NMU: variants seen among roughly 807,000 people sequenced by gnomAD.
NMU encodes the protein neuromedin-U.
Under a neutral mutation model 35.4 loss-of-function variants are expected in NMU, and 29 were observed. The ratio of observed to expected loss-of-function variants is 0.82; its 90% CI spans 0.61 to 1.12. The LOEUF (loss-of-function observed/expected upper bound fraction) is 1.12, where lower values mean the gene tolerates loss of function less well. Among genes scored for constraint, NMU ranks in the 50% most tolerant of loss-of-function variants. The pLI is 0.00. For missense variants in NMU, 199 were observed against 206.2 expected (o/e 0.97, Z 0.21); for synonymous variants, 78 against 81.3 (o/e 0.96, Z 0.22).
intron 1 of NMU, among the ~76,000 whole-genome samples, chr4:55,635,850 G>T (rs1240728524): frequency 6.6e-6 from 1 of 152,242 alleles, no homozygotes; most frequent in African/African-American, 2.4e-5. Context: ...GGGCATCAAC[G>T]AGCAGGGCCT....
rs193182091 is a variant in NMU, at chr4:55,597,928, T to C, written c.*4+1214A>G. ...TTATCCTTTTTCTTGATTACACTAG[T>C]ATAATTTATTTTATTTTTTGTAAAG... On this transcript the variant is annotated intron_variant, in intron 9 of 9. Coordinates refer to ENST00000264218, the MANE Select transcript of NMU (RefSeq NM_006681.4). Among the ~76,000 whole-genome samples the C allele has an allele frequency of 5.6e-4, 83 of 147,700 alleles. No individual in the cohort carries two copies. The East Asian group carries it at 0.011, about 19-fold the overall frequency.
At position 55,618,948 on chromosome 4, in the gene NMU, C is replaced by A. The variant is rs560032307; in HGVS notation, c.172-2563G>T. On this transcript the variant is annotated intron_variant, in intron 2 of 9. Coordinates refer to ENST00000264218, the MANE Select transcript of NMU (RefSeq NM_006681.4). ...GCAGTGGTACAATAAGGGCTCACTG[C>A]AGCCTTGACTTCTTGGGCTCAAGTG... is the stretch of plus-strand genomic sequence containing the variant. 3.0e-3 allele frequency among the ~76,000 whole-genome samples: 453 copies of A among 150,370 alleles called. 1 individual carries two copies. Among genetic ancestry groups the A allele is most frequent in the Non-Finnish European group, 4.0e-3 (272 of 67,688 alleles).
At chr4:55,600,494 AT>A in intron 8 of NMU, 27 bp downstream of exon 8, 1 of 1,480,956 alleles carries the variant, frequency 6.8e-7, no homozygotes, top group Non-Finnish European at 9.4e-7. Context: ...GTGTAGATTG[AT>A]TTTTTAAAAA....
intron 3 of NMU, among the ~76,000 whole-genome samples, chr4:55,612,075 G>A (rs1733955522): frequency 6.6e-6 from 1 of 152,126 alleles, no homozygotes; most frequent in Non-Finnish European, 1.5e-5. Context: ...GTTGGGAGTT[G>A]GCTGCGAGAA....
chr4:55,618,731 T>C lies in NMU; in HGVS notation c.172-2346A>G, dbSNP rs546434094. Among the ~76,000 whole-genome samples, 200 of 133,932 alleles carry C rather than the reference T, an allele frequency of 1.5e-3. 2 individuals carry two copies. Among genetic ancestry groups the C allele is most frequent in the Middle Eastern group, 0.014 (4 of 278 alleles). The allele number at this position is 133,932 out of a possible 152,430, so 87.9% of individuals were successfully genotyped here. A position where few individuals can be genotyped will look rare whatever the true frequency, so the allele number is the denominator to read the frequency against. ...CTTTTTCTTTCTTCTCTCTTTCTTC[T>C]TTCTTTCTTTTTCTTCTCTTTCTTT... On this transcript the variant is annotated intron_variant, in intron 2 of 9. Coordinates refer to ENST00000264218, the MANE Select transcript of NMU (RefSeq NM_006681.4).
rs1734434698 is a variant in NMU, at chr4:55,624,347, AG to A, written c.171+6054del. On this transcript the variant is annotated intron_variant, in intron 2 of 9. Transcript: ENST00000264218. ...AAAAAAACAAACAACCCCATCAAAAAGTGGGTGAAGGACATGAACAGACACT... is the reference window on the plus strand; with the variant it reads ...AAAAAAACAAACAACCCCATCAAAAATGGGTGAAGGACATGAACAGACACT... Among the ~76,000 whole-genome samples the A allele has an allele frequency of 3.7e-5, 3 of 82,022 alleles. No homozygotes were observed. The Admixed American group carries it at 4.5e-4, about 12-fold the overall frequency. 53.8% of individuals were successfully genotyped at this position (82,022 alleles called of 152,430 possible).
At chr4:55,617,803 G>C (rs1339149375) in intron 2 of NMU, among the ~76,000 whole-genome samples, 1 of 152,118 alleles carries the variant, frequency 6.6e-6, no homozygotes, top group African/African-American at 2.4e-5. Context: ...ACCCACTCCA[G>C]GGGAACACTG....
rs1478413466 is a variant in NMU, at chr4:55,636,131, G to A, written c.62C>T (p.Pro21Leu). Residue 21 changes from proline to leucine, a missense_variant, in exon 1 of 10, where the codon CCG (proline) becomes CTG (leucine). Physicochemically the swap from Pro to Leu is moderately conservative, Grantham distance 98 (BLOSUM62 -3). Transcript: ENST00000264218. This position sits in a 1 kb window ranked among gnomAD's most constrained non-coding sequence, Gnocchi z 4.0. ...SPAGQVAAAS[P>L]LLLLLLLLAW... ...GAGCAGCAGCAGCAGCAGCAGGAGC[G>A]GGGACGCCGCGGCCACCTGTCCGGC... 3.9e-6 allele frequency: 6 copies of A among 1,525,306 alleles called. No homozygotes were observed. In the Admixed American group the frequency reaches 6.0e-5, roughly 15 times the overall value. 94.5% of individuals were successfully genotyped at this position (1,525,306 alleles called of 1,614,324 possible).
chr4:55,612,110 A>G (rs1333640650), intron 3 of NMU, among the ~76,000 whole-genome samples: 1 of 152,214 alleles, frequency 6.6e-6, no homozygotes, highest in Non-Finnish European at 1.5e-5. Flanking sequence ...ACACTGATAC[A>G]TCCTTTCTCA....
At position 55,617,594 on chromosome 4, in the gene NMU, T is replaced by A. The variant is rs141367148; in HGVS notation, c.172-1209A>T. Among the ~76,000 whole-genome samples, 526 of 152,034 alleles carry A rather than the reference T, an allele frequency of 3.5e-3. 2 individuals are homozygous for A. The highest frequency in any genetic ancestry group is 0.012 in the African/African-American group (501 of 41,402). On this transcript the variant is annotated intron_variant, in intron 2 of 9. Coordinates refer to ENST00000264218, the MANE Select transcript of NMU (RefSeq NM_006681.4). ...GCCCAGAATAAGTGTTCAACAAAAA[T>A]CCTTTAATTAAGTTGTATTAAACTT... is the stretch of plus-strand genomic sequence containing the variant.
chr4:55,616,371 A>G lies in NMU; in HGVS notation c.186T>C (p.Cys62=). The change falls in exon 3 of 10, where the codon TGT becomes TGC. Residue 62 remains cysteine (C), a synonymous_variant. Transcript: ENST00000264218. The stretch of plus-strand genomic sequence containing the variant: ...GAGAATCAATGGACAGAAAAGACGA[A>G]CAAGTATCATCTATCTGTAGAAAAC... ...LQLWNEIDDT[C]SSFLSIDSQP... 6.2e-7 allele frequency: 1 copy of G among 1,611,968 alleles called. No individual in the cohort carries two copies. Among genetic ancestry groups the G allele is most frequent in the Non-Finnish European group, 8.5e-7 (1 of 1,178,056 alleles).
At chr4:55,610,234 A>G (rs954082773) in intron 3 of NMU, among the ~76,000 whole-genome samples, 2 of 152,104 alleles carry the variant, frequency 1.3e-5, no homozygotes, top group African/African-American at 4.8e-5. Flanking sequence ...AGGCTGAGGC[A>G]GATGGATCAC....
intron 2 of NMU, among the ~76,000 whole-genome samples, chr4:55,616,892 T>G (rs1377069059): frequency 1.3e-5 from 2 of 151,760 alleles, no homozygotes; most frequent in Non-Finnish European, 2.9e-5. Flanking sequence ...TGGAAGAGAG[T>G]TCTATTTTAT....
chr4:55,618,578 C>T (rs1734204037), intron 2 of NMU, among the ~76,000 whole-genome samples: 1 of 151,908 alleles, frequency 6.6e-6, no homozygotes. Context: ...TCTTTCTTTT[C>T]TTTCTTTCTT....
Position 55,636,121 on chromosome 4 carries a change from C to CAGCAGG in NMU, c.66_71dup (p.Leu28_Leu29dup). The CAGCAGG allele has an allele frequency of 1.3e-6, 2 of 1,528,586 alleles. No individual in the cohort carries two copies. Among genetic ancestry groups the CAGCAGG allele is most frequent in the Non-Finnish European group, 1.7e-6 (2 of 1,143,732 alleles). 94.7% of individuals were successfully genotyped at this position (1,528,586 alleles called of 1,614,324 possible). ...CGCACCAGGCGAGCAGCAGCAGCAG[C>CAGCAGG]AGCAGGAGCGGGGACGCCGCGGCCA... On this transcript the variant is annotated inframe_insertion, in exon 1 of 10. Transcript: ENST00000264218. The surrounding 1 kb of genome is among the most constrained non-coding windows in gnomAD (Gnocchi z 4.0).
At chr4:55,609,043 A>C in intron 4 of NMU, 77 bp downstream of exon 4, 1 of 1,221,600 alleles carries the variant, frequency 8.2e-7, no homozygotes, top group South Asian at 1.2e-5. Flanking sequence ...TAAATTGGGC[A>C]TATTTTCTTC....
intron 3 of NMU, among the ~76,000 whole-genome samples, chr4:55,615,226 C>G (rs1734068671): frequency 6.6e-6 from 1 of 152,210 alleles, no homozygotes; most frequent in Non-Finnish European, 1.5e-5. Flanking sequence ...CCAAAACCTC[C>G]TCTTAATTCT....
intron 1 of NMU, among the ~76,000 whole-genome samples, chr4:55,635,510 G>A (rs1271692594): frequency 1.3e-5 from 2 of 152,044 alleles, no homozygotes; most frequent in Non-Finnish European, 2.9e-5. Flanking sequence ...CCTGAAAACC[G>A]ATAAGGCACA....
Position 55,597,036 on chromosome 4 carries a change from C to T in NMU, c.*5-1625G>A, listed in dbSNP as rs1456833809. 2.0e-5 allele frequency among the ~76,000 whole-genome samples: 3 copies of T among 152,106 alleles called. No individual in the cohort carries two copies. In the South Asian group the frequency reaches 6.2e-4, roughly 32 times the overall value. The stretch of plus-strand genomic sequence containing the variant: ...AATAGTGAAAACTTTTAACACACTT[C>T]TTAACGTTGAACAACCATCCTTGAG... On this transcript the variant is annotated intron_variant, in intron 9 of 9. Transcript: ENST00000264218.
Sources: allele counts gnomAD v4.1 joint callset (sites outside exome capture counted in the v4.1 genomes callset), GRCh38; gene constraint gnomAD v4.1.1; non-coding constraint Gnocchi (gnomAD v3.1); transcripts MANE v1.5; gene names NCBI Gene and HGNC (gene_info 2026-07-23, HGNC 2026-07-21).